The following VWDE variants were observed in gnomAD, a reference collection of about 807,000 sequenced individuals.
The protein encoded by VWDE is von Willebrand factor D and EGF domains, also known as von Willebrand factor D and EGF domain-containing protein.
VWDE carries 207 observed loss-of-function variants against 178.4 expected under a neutral mutation model. That is an observed-to-expected ratio of 1.16 (90% confidence interval 1.04 to 1.30). VWDE has a LOEUF of 1.30. VWDE is among the 50% of genes most tolerant of loss of function. The pLI is 0.00. For synonymous variants in VWDE, 738 were observed against 651.4 expected (o/e 1.13, Z -2.02); for missense variants, 2,287 against 1,901.3 (o/e 1.20, Z -3.77).
In VWDE at chr7:12,337,324, A is replaced by G. The variant is rs1781099005; in HGVS notation, c.4367-52T>C. The G allele has an allele frequency of 2.2e-6, 3 of 1,386,106 alleles. No individual in the cohort carries two copies. In the East Asian group the frequency reaches 7.5e-5, roughly 35 times the overall value. The allele number at this position is 1,386,106 out of a possible 1,614,324, so 85.9% of individuals were successfully genotyped here. On this transcript the variant is annotated intron_variant, in intron 24 of 28. Coordinates refer to ENST00000275358, the MANE Select transcript of VWDE (RefSeq NM_001135924.3). ...TGAATATTACACATCCCATTACTAC[A>G]TATGATACATTGCATCATGTGCTTG...
chr7:12,361,436 G>A lies in VWDE; in HGVS notation c.2984C>T (p.Pro995Leu). 6.4e-7 allele frequency: 1 copy of A among 1,551,108 alleles called. No homozygotes were observed. The highest frequency in any genetic ancestry group is 2.0e-5 in the Admixed American group (1 of 50,954). The change falls in exon 14 of 29, where the codon CCC becomes CTC. Residue 995 changes from proline to leucine, a missense_variant. Physicochemically the swap from Pro to Leu is moderately conservative, Grantham distance 98. Transcript: ENST00000275358. ...HNSRAVDCQL[P>L]TDVQQFDTMD... The stretch of plus-strand genomic sequence containing the variant: ...GGTATCAAACTGCTGAACATCAGTG[G>A]GCAGCTGACAATCAACAGCTCTGCT...
At chr7:12,351,283 A>T (rs903182576) in intron 19 of VWDE, among the ~76,000 whole-genome samples, 4 of 152,174 alleles carry the variant, frequency 2.6e-5, no homozygotes, top group Non-Finnish European at 5.9e-5. Context: ...ACCAGTTTCC[A>T]GGGATTTATA....
At position 12,373,168 on chromosome 7, in the gene VWDE, A is replaced by G; in HGVS notation, c.1396T>C (p.Trp466Arg). 7 of 1,551,376 alleles carry G rather than the reference A, an allele frequency of 4.5e-6. No individual in the cohort carries two copies. The highest frequency in any genetic ancestry group is 6.1e-6 in the Non-Finnish European group (7 of 1,146,780). The change falls in exon 10 of 29, where the codon TGG (tryptophan) becomes CGG (arginine). Residue 466 changes from tryptophan to arginine, a missense_variant. Coordinates refer to ENST00000275358, the MANE Select transcript of VWDE (RefSeq NM_001135924.3). ...SRDFEVHVRQ[W>R]DCRSLHYPVS... ...GGATAGTGAAGGCTTCTGCAGTCCCACTGACGTACATGGACTTCAAAATCA... is the reference window on the plus strand; with the variant it reads ...GGATAGTGAAGGCTTCTGCAGTCCCGCTGACGTACATGGACTTCAAAATCA...
At chr7:12,351,382 A>AT (rs555476070) in intron 19 of VWDE, among the ~76,000 whole-genome samples, 191 bp downstream of exon 19, 225 of 152,256 alleles carry the variant, frequency 1.5e-3, no homozygotes, top group African/African-American at 5.1e-3. Context: ...ACATAAACGC[A>AT]TTTTTTCTAA....
chr7:12,363,976 G>GT (rs1343672668), intron 13 of VWDE, among the ~76,000 whole-genome samples: 1 of 151,856 alleles, frequency 6.6e-6, no homozygotes, highest in East Asian at 1.9e-4. Context: ...TCATGAATTT[G>GT]TTTTTTTACA....
chr7:12,358,298 C>A (rs1386352715), intron 16 of VWDE, among the ~76,000 whole-genome samples: 4 of 150,428 alleles, frequency 2.7e-5, no homozygotes, highest in Non-Finnish European at 5.9e-5. Context: ...TGCTTGAACC[C>A]GGGAGGTGGA....
chr7:12,362,168 T>C (rs924456675), intron 13 of VWDE, among the ~76,000 whole-genome samples: 3 of 151,712 alleles, frequency 2.0e-5, no homozygotes, highest in African/African-American at 4.8e-5. Flanking sequence ...AGCCAGTATA[T>C]AGTGAAACAG....
At chr7:12,342,765 C>G (rs1273900748) in intron 22 of VWDE, among the ~76,000 whole-genome samples, 1 of 151,584 alleles carries the variant, frequency 6.6e-6, no homozygotes, top group Non-Finnish European at 1.5e-5. Flanking sequence ...ATGTGCCATG[C>G]TGGTGTGCTG....
intron 21 of VWDE, 151 bp downstream of exon 21, chr7:12,344,044 T>A (rs1781468296): frequency 2.1e-6 from 1 of 471,564 alleles, no homozygotes; most frequent in Admixed American, 3.8e-5. Context: ...TTATATTTAA[T>A]AAGTATTTTA....
At position 12,373,149 on chromosome 7, in the gene VWDE, T is replaced by C. The variant is rs1783305896; in HGVS notation, c.1415A>G (p.His472Arg). Reference sequence around the variant, plus strand: ...CCCACAATTACATGACACTGGATAGTGAAGGCTTCTGCAGTCCCACTGACG... The same window carrying C: ...CCCACAATTACATGACACTGGATAGCGAAGGCTTCTGCAGTCCCACTGACG... ...HVRQWDCRSL[H>R]YPVSCNCGFV... Residue 472 changes from histidine to arginine, a missense_variant, in exon 10 of 29, where the codon CAC becomes CGC. Coordinates refer to ENST00000275358, the MANE Select transcript of VWDE (RefSeq NM_001135924.3). 4 of 1,551,398 alleles carry C rather than the reference T, an allele frequency of 2.6e-6. No homozygotes were observed. Among genetic ancestry groups the C allele is most frequent in the Middle Eastern group, 1.7e-4 (1 of 5,992 alleles).
At chr7:12,363,177 A>G (rs1424178762) in intron 13 of VWDE, among the ~76,000 whole-genome samples, 1 of 152,132 alleles carries the variant, frequency 6.6e-6, no homozygotes, top group African/African-American at 2.4e-5. Context: ...AGTCTAACTA[A>G]CTAGCACAGT....
intron 1 of VWDE, 128 bp downstream of exon 1, chr7:12,403,531 C>T: frequency 3.5e-6 from 3 of 859,290 alleles, no homozygotes; most frequent in Non-Finnish European, 5.1e-6. Context: ...GGGTGAGGAA[C>T]AAACATCGCT....
intron 16 of VWDE, among the ~76,000 whole-genome samples, chr7:12,359,259 A>ACAAGTG (rs1484322660): frequency 6.6e-6 from 1 of 152,182 alleles, no homozygotes; most frequent in Non-Finnish European, 1.5e-5. Flanking sequence ...ACCTTGTTTA[A>ACAAGTG]CAAGTGCTGA....
chr7:12,335,464 C>CT (rs968976620), intron 27 of VWDE, among the ~76,000 whole-genome samples: 8 of 150,156 alleles, frequency 5.3e-5, no homozygotes, highest in Non-Finnish European at 1.0e-4. Context: ...TCTTTTTTTA[C>CT]TTTTTTTTTG....
Position 12,342,085 on chromosome 7 carries a change from C to G in VWDE, c.4244G>C (p.Gly1415Ala). The G allele has an allele frequency of 6.4e-7, 1 of 1,551,222 alleles. No individual in the cohort carries two copies. The change falls in exon 23 of 29, where the codon GGC (glycine) becomes GCC (alanine). Residue 1415 changes from glycine (G) to alanine (A), a missense_variant. By Grantham distance (60) the Gly-to-Ala change is moderately conservative (BLOSUM62 0). Coordinates refer to ENST00000275358, the MANE Select transcript of VWDE (RefSeq NM_001135924.3). ...TGTACTACAGGTGGGTCCATACCAG[C>G]CAGGTTTGCACTGGCAAATATCTGG... ...LTPDICQCKP[G>A]WYGPTCSTAL...
intron 27 of VWDE, 106 bp downstream of exon 27, chr7:12,336,035 G>T: frequency 1.2e-6 from 1 of 844,850 alleles, no homozygotes; most frequent in Non-Finnish European, 1.7e-6. Flanking sequence ...GGATCAGCAT[G>T]CTGGAGTTTT....
intron 28 of VWDE, 51 bp downstream of exon 28, chr7:12,333,414 T>C (rs1780841399): frequency 9.1e-7 from 1 of 1,096,500 alleles, no homozygotes; most frequent in South Asian, 1.5e-5. Context: ...GTAGAAGAGA[T>C]ATGCAAATGT....
At chr7:12,335,697 C>T (rs554953819) in intron 27 of VWDE, among the ~76,000 whole-genome samples, 12 of 152,228 alleles carry the variant, frequency 7.9e-5, no homozygotes, top group African/African-American at 2.4e-4. Context: ...CCTGGTGATC[C>T]GCTGGCCTTG....
intron 13 of VWDE, among the ~76,000 whole-genome samples, chr7:12,364,573 G>A (rs1244247485): frequency 6.6e-6 from 1 of 152,080 alleles, no homozygotes; most frequent in African/African-American, 2.4e-5. Context: ...CATGAAATAA[G>A]TTTCCATTAG....
Sources: allele counts gnomAD v4.1 joint callset (sites outside exome capture counted in the v4.1 genomes callset), GRCh38; gene constraint gnomAD v4.1.1; transcripts MANE v1.5; gene names NCBI Gene and HGNC (gene_info 2026-07-23, HGNC 2026-07-21).